The following RAD51B variants were observed in gnomAD, a reference collection of about 807,000 sequenced individuals.
RAD51B encodes RAD51 paralog B.
Under a neutral mutation model 42.2 loss-of-function variants are expected in RAD51B, and 38 were observed. The ratio of observed to expected loss-of-function variants is 0.90; its 90% CI spans 0.70 to 1.18. The LOEUF is 1.18. Among genes scored for constraint, RAD51B ranks in the 50% most tolerant of loss-of-function variants. The pLI is 0.00. For missense variants in RAD51B, 373 were observed against 400.7 expected, an observed-to-expected ratio of 0.93 and a Z score of 0.59; for synonymous variants, 154 against 145.2, an observed-to-expected ratio of 1.06 and a Z score of -0.43.
At chr14:68,258,450 C>A (rs1275581732) in intron 7 of RAD51B, among the ~76,000 whole-genome samples, 1 of 152,082 alleles carries the variant, frequency 6.6e-6, no homozygotes, top group Non-Finnish European at 1.5e-5. Context: ...CTCTCACACA[C>A]ACACACACAA....
intron 7 of RAD51B, among the ~76,000 whole-genome samples, chr14:68,148,351 T>G (rs1176320413): frequency 6.6e-6 from 1 of 152,138 alleles, no homozygotes; most frequent in Non-Finnish European, 1.5e-5. Flanking sequence ...TACCTAGGAG[T>G]GGAATCACTA....
At chr14:67,957,305 G>A (rs1358577614) in intron 7 of RAD51B, among the ~76,000 whole-genome samples, 2 of 152,198 alleles carry the variant, frequency 1.3e-5, no homozygotes, top group Admixed American at 1.3e-4. Flanking sequence ...GGGACTGAAA[G>A]TTGTTGACTG....
intron 9 of RAD51B, among the ~76,000 whole-genome samples, chr14:68,452,477 T>C (rs770883306): frequency 2.5e-4 from 38 of 152,246 alleles, no homozygotes; most frequent in Non-Finnish European, 4.8e-4. Context: ...GCATACCCAA[T>C]GGTAATATTA....
chr14:68,670,098 G>A (rs1020068452), intron 11 of RAD51B, among the ~76,000 whole-genome samples: 15 of 152,158 alleles, frequency 9.9e-5, no homozygotes, highest in African/African-American at 1.9e-4. Context: ...GAACCGTCCC[G>A]ATGACTTTAT....
At chr14:68,583,841 C>T (rs944382250) in intron 10 of RAD51B, among the ~76,000 whole-genome samples, 2 of 152,322 alleles carry the variant, frequency 1.3e-5, no homozygotes, top group South Asian at 4.1e-4. Flanking sequence ...CACTGTCCAA[C>T]GTCCAGCAGC....
intron 7 of RAD51B, among the ~76,000 whole-genome samples, chr14:68,047,226 A>G (rs1053915292): frequency 2.0e-5 from 3 of 152,152 alleles, no homozygotes; most frequent in Non-Finnish European, 4.4e-5. Flanking sequence ...CTAAAAAAGT[A>G]GAGATAACAA....
intron 9 of RAD51B, among the ~76,000 whole-genome samples, chr14:68,456,117 A>G (rs577933216): frequency 1.3e-5 from 2 of 152,362 alleles, no homozygotes; most frequent in East Asian, 3.9e-4. Flanking sequence ...CACTAGAAAA[A>G]TACCTAACAC....
At chr14:68,062,871 C>T (rs1051638490) in intron 7 of RAD51B, among the ~76,000 whole-genome samples, 1 of 150,670 alleles carries the variant, frequency 6.6e-6, no homozygotes, top group Non-Finnish European at 1.5e-5. Context: ...CCATCTGGTC[C>T]TGGGCTTTTC....
intron 7 of RAD51B, among the ~76,000 whole-genome samples, chr14:68,248,275 A>G (rs1395535492): frequency 6.6e-6 from 1 of 152,152 alleles, no homozygotes; most frequent in Non-Finnish European, 1.5e-5. Context: ...CATGGTATTT[A>G]CCTTACCTGG....
chr14:67,989,718 A>G (rs1435958638), intron 7 of RAD51B, among the ~76,000 whole-genome samples: 1 of 151,494 alleles, frequency 6.6e-6, no homozygotes, highest in Non-Finnish European at 1.5e-5. Flanking sequence ...TTGGGGGGCA[A>G]CCCCCCACAG....
At chr14:67,984,632 T>G (rs1363681181) in intron 7 of RAD51B, among the ~76,000 whole-genome samples, 1 of 152,192 alleles carries the variant, frequency 6.6e-6, no homozygotes. Flanking sequence ...CTACCTACTC[T>G]TCTAAGCCCT....
At chr14:68,530,519 T>C (rs1053581293) in intron 10 of RAD51B, among the ~76,000 whole-genome samples, 3 of 150,432 alleles carry the variant, frequency 2.0e-5, no homozygotes, top group Non-Finnish European at 4.4e-5. Context: ...AGAGAGTTAT[T>C]TATAAAGGAA....
At chr14:68,674,884 C>A (rs1022397941) in intron 11 of RAD51B, among the ~76,000 whole-genome samples, 2 of 152,212 alleles carry the variant, frequency 1.3e-5, no homozygotes, top group Non-Finnish European at 1.5e-5. Context: ...GAAGGGGACG[C>A]CACCTGGACG....
chr14:68,287,893 T>A (rs1045443966), intron 7 of RAD51B, among the ~76,000 whole-genome samples: 1 of 152,216 alleles, frequency 6.6e-6, no homozygotes, highest in Non-Finnish European at 1.5e-5. Flanking sequence ...CCATGTGAGC[T>A]AAGTATTATC....
At chr14:68,515,482 T>G (rs1886078885) in intron 10 of RAD51B, among the ~76,000 whole-genome samples, 1 of 145,876 alleles carries the variant, frequency 6.9e-6, no homozygotes, top group Admixed American at 7.0e-5. Flanking sequence ...AGGGTCTCCC[T>G]CTGTCATCCA....
chr14:68,196,441 G>A (rs1397453078), intron 7 of RAD51B, among the ~76,000 whole-genome samples: 2 of 151,842 alleles, frequency 1.3e-5, no homozygotes, highest in African/African-American at 4.8e-5. Flanking sequence ...GTCCCACTCT[G>A]CCTCCTCCTC....
At chr14:67,820,038 C>A (rs939159556) in intron 1 of RAD51B, among the ~76,000 whole-genome samples, 185 bp downstream of exon 1, 3 of 152,078 alleles carry the variant, frequency 2.0e-5, no homozygotes, top group African/African-American at 4.8e-5. Flanking sequence ...GGGGGAGCTT[C>A]GGGCCTTCTT....
chr14:68,672,996 A>G (rs993766630), intron 11 of RAD51B, among the ~76,000 whole-genome samples: 17 of 152,308 alleles, frequency 1.1e-4, no homozygotes, highest in African/African-American at 3.4e-4. Context: ...GCTGTTTGTA[A>G]ACAACTCTAG....
intron 7 of RAD51B, among the ~76,000 whole-genome samples, chr14:68,011,199 T>A (rs1236936715): frequency 6.6e-6 from 1 of 152,080 alleles, no homozygotes; most frequent in Non-Finnish European, 1.5e-5. Flanking sequence ...ACACCTTATT[T>A]ACCAGTAATC....
Sources: gnomAD v4.1 joint callset for allele counts (sites outside exome capture counted in the v4.1 genomes callset) on GRCh38, gnomAD v4.1.1 for gene constraint, MANE v1.5 for transcripts, NCBI Gene and HGNC (gene_info 2026-07-23, HGNC 2026-07-21) for gene names.